SMURF2: variants seen among roughly 807,000 people sequenced by gnomAD.
SMURF2 encodes E3 ubiquitin-protein ligase SMURF2.
SMURF2 carries 48 observed loss-of-function variants against 109.6 expected under a neutral mutation model. That is an observed-to-expected ratio of 0.44 (90% confidence interval 0.35 to 0.56). The LOEUF is 0.56. SMURF2 is among the 20% of genes least tolerant of loss of function. The pLI, the probability that SMURF2 is intolerant of heterozygous loss-of-function variation, is 0.01. For synonymous variants in SMURF2, 288 were observed against 317.1 expected, an observed-to-expected ratio of 0.91 and a Z score of 0.97; for missense variants, 575 against 909.0, an observed-to-expected ratio of 0.63 and a Z score of 4.72.
At chr17:64,545,982 T>C (rs1555683072) in intron 18 of SMURF2, 35 bp from the exon 19 acceptor site, 2 of 1,364,614 alleles carry the variant, frequency 1.5e-6, no homozygotes, top group African/African-American at 1.4e-5. Flanking sequence ...ATACAGTTCA[T>C]TCAAAATAAG....
rs187931555 is a variant in SMURF2 at position 64,637,503 on chromosome 17, T to C, written c.52+24326A>G. ...TTTGAGTTAATTTTTATATATGGCA[T>C]GAGGTAGAGGTTCAACTTCATTCTT... On this transcript the variant is annotated intron_variant, in intron 1 of 18. Coordinates refer to ENST00000262435, the MANE Select transcript of SMURF2 (RefSeq NM_022739.4). Among the ~76,000 whole-genome samples, 967 of 152,226 alleles carry C rather than the reference T, an allele frequency of 6.4e-3. 6 individuals carry two copies. The highest frequency in any genetic ancestry group is 0.01 in the Non-Finnish European group (713 of 68,024).
At chr17:64,585,961 G>T in intron 6 of SMURF2, 125 bp downstream of exon 6, 1 of 502,544 alleles carries the variant, frequency 2.0e-6, no homozygotes, top group Non-Finnish European at 3.3e-6. Context: ...TTTACAATTA[G>T]AAGGAAAATC....
At chr17:64,609,413 C>T (rs1970012693) in intron 1 of SMURF2, among the ~76,000 whole-genome samples, 1 of 152,064 alleles carries the variant, frequency 6.6e-6, no homozygotes, top group African/African-American at 2.4e-5. Context: ...GGTACTGGTA[C>T]CAAAACAAAT....
chr17:64,635,353 C>T (rs1320614645), intron 1 of SMURF2, among the ~76,000 whole-genome samples: 1 of 151,882 alleles, frequency 6.6e-6, no homozygotes, highest in Non-Finnish European at 1.5e-5. Context: ...TAATAAAAGT[C>T]ACATAACATG....
intron 4 of SMURF2, among the ~76,000 whole-genome samples, chr17:64,592,586 T>C (rs1457311468): frequency 3.3e-5 from 5 of 152,198 alleles, no homozygotes; most frequent in African/African-American, 1.2e-4. Flanking sequence ...TTAATTTCCT[T>C]AGATCTTATG....
chr17:64,583,395 T>C, intron 7 of SMURF2, 66 bp downstream of exon 7: 1 of 1,325,818 alleles, frequency 7.5e-7, no homozygotes, highest in Non-Finnish European at 1.1e-6. Context: ...AGCTGACAGA[T>C]AAATAGAAAA....
chr17:64,578,645 T>G lies in SMURF2; in HGVS notation c.773-69A>C, dbSNP rs907245865. ...CCAGATCAAAGACAGTTATATACAC[T>G]AAGATGATATACTAATAGGGAAAAA... On this transcript the variant is annotated intron_variant, in intron 8 of 18. Transcript: ENST00000262435. 4.3e-6 allele frequency: 4 copies of G among 939,488 alleles called. No homozygotes were observed. In the African/African-American group the frequency reaches 6.6e-5, roughly 15 times the overall value. The allele number at this position is 939,488 out of a possible 1,614,324, so 58.2% of individuals were successfully genotyped here.
intron 13 of SMURF2, among the ~76,000 whole-genome samples, chr17:64,556,647 C>G (rs550488351): frequency 1.2e-4 from 19 of 152,324 alleles, no homozygotes; most frequent in African/African-American, 4.6e-4. Flanking sequence ...ATTGTTACTA[C>G]AGGGGCAGTA....
chr17:64,592,826 G>A (rs1411130423), intron 4 of SMURF2, among the ~76,000 whole-genome samples: 1 of 152,090 alleles, frequency 6.6e-6, no homozygotes, highest in Non-Finnish European at 1.5e-5. Flanking sequence ...TCCTGATCTT[G>A]GTCTAATCTT....
chr17:64,603,448 G>A (rs1969925218), intron 2 of SMURF2, among the ~76,000 whole-genome samples: 1 of 151,990 alleles, frequency 6.6e-6, no homozygotes, highest in African/African-American at 2.4e-5. Context: ...TGGGTGTGGT[G>A]GCACATGCCT....
intron 16 of SMURF2, among the ~76,000 whole-genome samples, chr17:64,550,140 T>C (rs972910527): frequency 6.6e-6 from 1 of 152,236 alleles, no homozygotes; most frequent in Non-Finnish European, 1.5e-5. Flanking sequence ...GCTATTTCAC[T>C]ATGAACAATT....
intron 9 of SMURF2, among the ~76,000 whole-genome samples, chr17:64,578,201 C>T (rs1969525376): frequency 6.6e-6 from 1 of 152,002 alleles, no homozygotes; most frequent in African/African-American, 2.4e-5. Context: ...ACCTTGGCCT[C>T]CCAAAGTGCT....
Position 64,544,904 on chromosome 17 carries a change from T to C in SMURF2, c.*944A>G, listed in dbSNP as rs922381350. ...AATTAGGTGCACTTGTCAGAGACTT[T>C]GGTTTATAGGAATAGTCCATATATT... is the stretch of plus-strand genomic sequence containing the variant. On this transcript the variant is annotated 3_prime_UTR_variant, in exon 19 of 19. Coordinates refer to ENST00000262435, the MANE Select transcript of SMURF2 (RefSeq NM_022739.4). 1 of 152,616 alleles carries C rather than the reference T, an allele frequency of 6.6e-6. No homozygotes were observed. The highest frequency in any genetic ancestry group is 1.5e-5 in the Non-Finnish European group (1 of 68,048). 9.5% of individuals were successfully genotyped at this position (152,616 alleles called of 1,614,324 possible). A position where few individuals can be genotyped will look rare whatever the true frequency, so the allele number is the denominator to read the frequency against.
At chr17:64,636,467 G>T (rs1320830267) in intron 1 of SMURF2, among the ~76,000 whole-genome samples, 1 of 152,034 alleles carries the variant, frequency 6.6e-6, no homozygotes, top group Non-Finnish European at 1.5e-5. Flanking sequence ...GCTGGACGTG[G>T]TGGCACACAC....
At chr17:64,572,310 A>T (rs1969408704) in intron 9 of SMURF2, among the ~76,000 whole-genome samples, 1 of 152,236 alleles carries the variant, frequency 6.6e-6, no homozygotes, top group African/African-American at 2.4e-5. Context: ...TCAGTGACAT[A>T]AAGAATTAAA....
intron 1 of SMURF2, among the ~76,000 whole-genome samples, chr17:64,649,290 G>A (rs1403883347): frequency 6.6e-6 from 1 of 152,066 alleles, no homozygotes; most frequent in Non-Finnish European, 1.5e-5. Flanking sequence ...TATCAGTGCA[G>A]AAATACCCCC....
Position 64,561,496 on chromosome 17 carries a change from A to T in SMURF2, c.1316+4T>A, listed in dbSNP as rs2303572. On this transcript the variant is annotated splice_donor_region_variant and intron_variant, in intron 12 of 18. Transcript: ENST00000262435. ...ATGTCATAAGCTGGCAAGCAAGTCC[A>T]TACCTGGCAACGCCTCCATAGTCAA... The T allele has an allele frequency of 0.049, 77,854 of 1,603,658 alleles. 3,078 individuals carry two copies. Among genetic ancestry groups the T allele is most frequent in the African/African-American group, 0.18 (13,334 of 74,712 alleles).
At chr17:64,652,206 T>C (rs1383083458) in intron 1 of SMURF2, among the ~76,000 whole-genome samples, 5 of 152,190 alleles carry the variant, frequency 3.3e-5, no homozygotes, top group African/African-American at 1.2e-4. Flanking sequence ...ATCTAGGCTT[T>C]TCCTAATTTC....
At chr17:64,609,075 G>A (rs1555689302) in intron 1 of SMURF2, among the ~76,000 whole-genome samples, 2 of 152,058 alleles carry the variant, frequency 1.3e-5, no homozygotes, top group African/African-American at 2.4e-5. Flanking sequence ...GGATGTGAAG[G>A]ACCTCTTCAA....
Sources: gnomAD v4.1 joint callset for allele counts (sites outside exome capture counted in the v4.1 genomes callset) on GRCh38, gnomAD v4.1.1 for gene constraint, MANE v1.5 for transcripts, NCBI Gene and HGNC (gene_info 2026-07-23, HGNC 2026-07-21) for gene names.